SYT9: variants seen among roughly 807,000 people sequenced by gnomAD.
SYT9 encodes the protein synaptotagmin 9.
In SYT9, 22 loss-of-function variants were observed where a neutral mutation model predicts 48.4. That is an observed-to-expected ratio of 0.45 (90% CI 0.32 to 0.65). The LOEUF is 0.65. Ranked by LOEUF, SYT9 falls within the 30% of genes least tolerant of loss-of-function variation. SYT9 has a pLI of 0.03. For missense variants in SYT9, 577 were observed against 622.0 expected (o/e 0.93, Z 0.77); for synonymous variants, 265 against 245.0 (o/e 1.08, Z -0.76).
At chr11:7,346,172 A>G (rs1564870732) in intron 3 of SYT9, among the ~76,000 whole-genome samples, 1 of 152,228 alleles carries the variant, frequency 6.6e-6, no homozygotes. Flanking sequence ...CAGGAACAGG[A>G]GGCAGCATGT....
chr11:7,273,331 T>G (rs936626689), intron 1 of SYT9, among the ~76,000 whole-genome samples: 1 of 16,696 alleles, frequency 6.0e-5, no homozygotes, highest in South Asian at 1.1e-3. Context: ...GGTTTTTTTC[T>G]TTTGTTAGTG....
intron 6 of SYT9, among the ~76,000 whole-genome samples, chr11:7,421,866 C>T (rs530263579): frequency 6.6e-6 from 1 of 152,280 alleles, no homozygotes; most frequent in Admixed American, 6.5e-5. Context: ...CATTTCCATC[C>T]ATATAAAGTG....
At chr11:7,342,969 A>G (rs950564602) in intron 3 of SYT9, among the ~76,000 whole-genome samples, 1 of 152,200 alleles carries the variant, frequency 6.6e-6, no homozygotes, top group African/African-American at 2.4e-5. Context: ...CTTTAAAGCC[A>G]CAGCCCAAGC....
intron 3 of SYT9, among the ~76,000 whole-genome samples, chr11:7,342,319 C>G (rs1849727979): frequency 1.3e-5 from 2 of 152,264 alleles, no homozygotes; most frequent in East Asian, 3.9e-4. Flanking sequence ...CACCTATGAG[C>G]CTGTAAAATC....
At chr11:7,314,694 G>C (rs1023077385) in intron 3 of SYT9, among the ~76,000 whole-genome samples, 5 of 152,188 alleles carry the variant, frequency 3.3e-5, no homozygotes, top group African/African-American at 1.2e-4. Context: ...TCCAGAAATA[G>C]AAAGGAAAAT....
chr11:7,338,701 A>G (rs1280071794), intron 3 of SYT9, among the ~76,000 whole-genome samples: 3 of 151,952 alleles, frequency 2.0e-5, no homozygotes, highest in Non-Finnish European at 4.4e-5. Context: ...TTGTGCTATG[A>G]TCTGAGAGTG....
intron 1 of SYT9, among the ~76,000 whole-genome samples, chr11:7,267,837 T>C (rs1250554930): frequency 6.6e-6 from 1 of 151,704 alleles, no homozygotes; most frequent in Non-Finnish European, 1.5e-5. Context: ...AAATAAATAT[T>C]GTGCTATTCT....
At chr11:7,373,548 G>A (rs1436958189) in intron 3 of SYT9, among the ~76,000 whole-genome samples, 1 of 152,100 alleles carries the variant, frequency 6.6e-6, no homozygotes, top group African/African-American at 2.4e-5. Flanking sequence ...GAGGCCCTGA[G>A]TTGTTCAGAT....
intron 6 of SYT9, among the ~76,000 whole-genome samples, chr11:7,462,136 A>G (rs1396013850): frequency 3.3e-5 from 5 of 152,268 alleles, no homozygotes; most frequent in Non-Finnish European, 7.3e-5. Flanking sequence ...CATTCTGGGC[A>G]TAGCACTTAA....
chr11:7,277,242 T>C (rs1417035489), intron 1 of SYT9, among the ~76,000 whole-genome samples: 1 of 152,234 alleles, frequency 6.6e-6, no homozygotes, highest in East Asian at 1.9e-4. Flanking sequence ...GAAAGAATAA[T>C]GAATGACCCA....
chr11:7,315,685 C>T (rs17215501), intron 3 of SYT9, among the ~76,000 whole-genome samples: 41,881 of 152,038 alleles, frequency 0.28, 6,089 homozygotes, highest in Middle Eastern at 0.32. Context: ...GGCTGATGAT[C>T]CCTGGTGGGA....
chr11:7,331,664 G>A (rs939195416), intron 3 of SYT9, among the ~76,000 whole-genome samples: 1 of 152,130 alleles, frequency 6.6e-6, no homozygotes, highest in Non-Finnish European at 1.5e-5. Flanking sequence ...GGTCAAGGCT[G>A]CAATGAACCA....
At chr11:7,379,760 T>C (rs1477134482) in intron 3 of SYT9, among the ~76,000 whole-genome samples, 1 of 152,080 alleles carries the variant, frequency 6.6e-6, no homozygotes, top group Non-Finnish European at 1.5e-5. Flanking sequence ...ATCTCTAAAA[T>C]TGAGATTACC....
intron 3 of SYT9, among the ~76,000 whole-genome samples, chr11:7,315,243 A>G (rs1849221200): frequency 6.6e-6 from 1 of 152,270 alleles, no homozygotes; most frequent in Non-Finnish European, 1.5e-5. Flanking sequence ...TTAAAAGATA[A>G]TAATACACAT....
chr11:7,386,740 C>G (rs1350314860), intron 3 of SYT9, among the ~76,000 whole-genome samples: 1 of 152,128 alleles, frequency 6.6e-6, no homozygotes, highest in Non-Finnish European at 1.5e-5. Context: ...GTCAGTGTGG[C>G]GATTCCTTAG....
intron 3 of SYT9, among the ~76,000 whole-genome samples, chr11:7,346,878 A>G (rs1003750559): frequency 1.3e-5 from 2 of 152,188 alleles, no homozygotes; most frequent in African/African-American, 2.4e-5. Flanking sequence ...ATCTCTGTCC[A>G]TGGTTCTTCA....
At chr11:7,359,929 G>C (rs1315759129) in intron 3 of SYT9, among the ~76,000 whole-genome samples, 1 of 151,978 alleles carries the variant, frequency 6.6e-6, no homozygotes, top group Non-Finnish European at 1.5e-5. Context: ...CCTTGCCCAT[G>C]CCTATGTCCT....
intron 3 of SYT9, among the ~76,000 whole-genome samples, chr11:7,407,918 T>C (rs1304098725): frequency 6.6e-6 from 1 of 152,232 alleles, no homozygotes; most frequent in East Asian, 1.9e-4. Flanking sequence ...TATGTTGTTT[T>C]GGTTACTGTA....
intron 3 of SYT9, among the ~76,000 whole-genome samples, chr11:7,402,222 G>A (rs1355689034): frequency 6.6e-6 from 1 of 151,712 alleles, no homozygotes; most frequent in African/African-American, 2.4e-5. Flanking sequence ...TAGTCTTCTT[G>A]AGTTTAAGGG....
Sources: gnomAD v4.1 joint callset for allele counts (sites outside exome capture counted in the v4.1 genomes callset) on GRCh38, gnomAD v4.1.1 for gene constraint, MANE v1.5 for transcripts, NCBI Gene and HGNC (gene_info 2026-07-23, HGNC 2026-07-21) for gene names.